The following DACH2 variants were observed in gnomAD, a reference collection of about 807,000 sequenced individuals.
The protein encoded by DACH2 is dachshund family transcription factor 2, also known as dachshund homolog 2.
In DACH2, 17 loss-of-function variants were observed where a neutral mutation model predicts 35.8. That is an observed-to-expected ratio of 0.48 (90% CI 0.33 to 0.71). The LOEUF is 0.71. DACH2 is among the 30% of genes least tolerant of loss of function. The probability of loss-of-function intolerance (pLI) is 0.02; values close to 1 mark genes in which losing one functional copy is unlikely to be tolerated. For synonymous variants in DACH2, 195 were observed against 177.3 expected (o/e 1.10, Z -0.79); for missense variants, 469 against 472.7 (o/e 0.99, Z 0.07).
intron 1 of DACH2, among the ~76,000 whole-genome samples, chrX:86,273,076 A>G (rs1346110300): frequency 8.9e-6 from 1 of 111,953 alleles, no homozygotes; most frequent in Non-Finnish European, 1.9e-5. Flanking sequence ...CTCAATAGAC[A>G]AACCAATTAT....
intron 1 of DACH2, among the ~76,000 whole-genome samples, chrX:86,163,105 G>T (rs1010394529): frequency 9.0e-6 from 1 of 110,822 alleles, no homozygotes; most frequent in African/African-American, 3.3e-5. Context: ...ATTGACTCTA[G>T]TCACCCTATT....
rs374563205 is a variant in DACH2, at chrX:86,784,834, G to A, written c.1241-28022G>A. Among the ~76,000 whole-genome samples, 550 of 111,511 alleles carry A rather than the reference G, an allele frequency of 4.9e-3. 1 individual carries two copies. The highest frequency in any genetic ancestry group is 0.017 in the African/African-American group (528 of 30,715). On this transcript the variant is annotated intron_variant, in intron 7 of 11. Transcript: ENST00000373125. Reference sequence around the variant, plus strand: ...AGATCATATTCTTTGTAGCAACATGGATGGAGCTGGAGGCCATTATCCTAA... The same window carrying A: ...AGATCATATTCTTTGTAGCAACATGAATGGAGCTGGAGGCCATTATCCTAA...
At chrX:86,540,395 A>G (rs1293819855) in intron 3 of DACH2, among the ~76,000 whole-genome samples, 1 of 112,195 alleles carries the variant, frequency 8.9e-6, no homozygotes, top group Non-Finnish European at 1.9e-5. Context: ...CACTACAACC[A>G]TCATGCCAAA....
At chrX:86,551,941 T>A (rs1484742683) in intron 3 of DACH2, among the ~76,000 whole-genome samples, 1 of 111,801 alleles carries the variant, frequency 8.9e-6, no homozygotes, top group Non-Finnish European at 1.9e-5. Flanking sequence ...GTTTTATACC[T>A]AGGGTGATTT....
chrX:86,452,247 T>C, intron 2 of DACH2, among the ~76,000 whole-genome samples: 1 of 112,061 alleles, frequency 8.9e-6, no homozygotes, highest in East Asian at 2.8e-4. Flanking sequence ...ATTAAGAATT[T>C]TTGCATCAAT....
chrX:86,184,064 A>T (rs1216207231), intron 1 of DACH2, among the ~76,000 whole-genome samples: 1 of 109,241 alleles, frequency 9.2e-6, no homozygotes, highest in Non-Finnish European at 1.9e-5. Flanking sequence ...ATTTTTCTCT[A>T]TTTTCTTCTT....
At chrX:86,546,390 T>TTCTTCTTCTTCTTCTTCA (rs2038964308) in intron 3 of DACH2, among the ~76,000 whole-genome samples, 3 of 81,566 alleles carry the variant, frequency 3.7e-5, no homozygotes, top group Non-Finnish European at 6.6e-5. Context: ...CTTCTTCTTC[T>TTCTTCTTCTTCTTCTTCA]TCTTCTTCTT....
intron 7 of DACH2, among the ~76,000 whole-genome samples, chrX:86,789,122 A>T (rs2147320363): frequency 8.9e-6 from 1 of 112,326 alleles, no homozygotes; most frequent in East Asian, 2.8e-4. Context: ...TTGTGTAACT[A>T]TGATTACTGA....
intron 5 of DACH2, among the ~76,000 whole-genome samples, chrX:86,700,327 G>A (rs1287611252): frequency 9.0e-6 from 1 of 110,696 alleles, no homozygotes; most frequent in African/African-American, 3.3e-5. Context: ...TTTATGTTTT[G>A]ATGATTTGTC....
At chrX:86,406,691 G>A (rs928980252) in intron 2 of DACH2, among the ~76,000 whole-genome samples, 3 of 111,978 alleles carry the variant, frequency 2.7e-5, no homozygotes, top group Non-Finnish European at 5.6e-5. Flanking sequence ...GAGAATGACT[G>A]ATCCCTACAG....
At chrX:86,573,509 TAGAG>T (rs1484507972) in intron 3 of DACH2, among the ~76,000 whole-genome samples, 3 of 111,541 alleles carry the variant, frequency 2.7e-5, no homozygotes, top group African/African-American at 9.8e-5. Flanking sequence ...CTAGAAGCCA[TAGAG>T]ATAGTTCATT....
intron 7 of DACH2, among the ~76,000 whole-genome samples, chrX:86,750,567 T>A (rs1175629166): frequency 8.9e-6 from 1 of 111,821 alleles, no homozygotes; most frequent in Non-Finnish European, 1.9e-5. Context: ...ACTGAAACTT[T>A]AAACCAGTTG....
At chrX:86,237,142 C>T (rs1346252525) in intron 1 of DACH2, among the ~76,000 whole-genome samples, 1 of 111,627 alleles carries the variant, frequency 9.0e-6, no homozygotes, top group Non-Finnish European at 1.9e-5. Flanking sequence ...TCATAAATGT[C>T]ACTGTCTTGC....
At chrX:86,420,509 C>T (rs760218796) in intron 2 of DACH2, among the ~76,000 whole-genome samples, 2 of 109,758 alleles carry the variant, frequency 1.8e-5, no homozygotes, top group South Asian at 3.9e-4. Flanking sequence ...AGGTACTGTG[C>T]ATGTACTTGT....
At chrX:86,830,289 A>AAAAC (rs1224036649) in intron 11 of DACH2, 1 of 112,195 alleles carries the variant, frequency 8.9e-6, no homozygotes, top group African/African-American at 3.2e-5. Flanking sequence ...TGGCACATGT[A>AAAAC]AAACAGTAAC....
intron 6 of DACH2, among the ~76,000 whole-genome samples, chrX:86,738,321 C>G (rs757485034): frequency 4.7e-4 from 52 of 111,636 alleles, no homozygotes; most frequent in Non-Finnish European, 8.8e-4. Context: ...TAAATTTTAA[C>G]TCTCATGCTA....
chrX:86,241,508 A>G (rs962107954), intron 1 of DACH2, among the ~76,000 whole-genome samples: 7 of 112,186 alleles, frequency 6.2e-5, no homozygotes, highest in African/African-American at 2.3e-4. Context: ...ATTGGAACTT[A>G]TATTTAAAAG....
intron 3 of DACH2, among the ~76,000 whole-genome samples, chrX:86,526,761 T>A (rs765556185): frequency 9.6e-6 from 1 of 104,420 alleles, no homozygotes; most frequent in African/African-American, 3.5e-5. Flanking sequence ...TAGCAAATCG[T>A]GCTTTCTACA....
At chrX:86,319,581 A>T (rs1272355609) in intron 1 of DACH2, among the ~76,000 whole-genome samples, 1 of 112,180 alleles carries the variant, frequency 8.9e-6, no homozygotes, top group Non-Finnish European at 1.9e-5. Flanking sequence ...GACAGTTTTT[A>T]AAGGCCAAAG....
Sources: allele counts gnomAD v4.1 joint callset (sites outside exome capture counted in the v4.1 genomes callset), GRCh38; gene constraint gnomAD v4.1.1; transcripts MANE v1.5; gene names NCBI Gene and HGNC (gene_info 2026-07-23, HGNC 2026-07-21).